Variants in CELF6 observed in about 807,000 individuals in gnomAD.
The protein encoded by CELF6 is Bruno -like 6, RNA binding protein.
Under a neutral mutation model 53.1 loss-of-function variants are expected in CELF6, and 32 were observed. The ratio of observed to expected loss-of-function variants is 0.60; its 90% confidence interval spans 0.46 to 0.81. The LOEUF is 0.81. CELF6 is among the 30% of genes least tolerant of loss of function. The pLI is 0.00. For synonymous variants in CELF6, 291 were observed against 288.8 expected (o/e 1.01, Z -0.08); for missense variants, 539 against 669.5 (o/e 0.81, Z 2.15).
chr15:72,318,669 A>C (rs2088391485), intron 1 of CELF6, among the ~76,000 whole-genome samples: 1 of 152,128 alleles, frequency 6.6e-6, no homozygotes, highest in African/African-American at 2.4e-5. Context: ...GTATCTCTCT[A>C]GAAAGGGCAG....
chr15:72,317,131 A>C (rs2088373469), intron 1 of CELF6, among the ~76,000 whole-genome samples: 1 of 152,220 alleles, frequency 6.6e-6, no homozygotes. Context: ...ATATGCAGGA[A>C]TCAAGTCATA....
intron 3 of CELF6, among the ~76,000 whole-genome samples, chr15:72,303,788 G>A (rs2088188266): frequency 6.6e-6 from 1 of 152,094 alleles, no homozygotes; most frequent in African/African-American, 2.4e-5. Context: ...TTACAGCTTG[G>A]AAGCTGGCCA....
In CELF6 at chr15:72,289,618, G is replaced by A. The variant is rs750315664; in HGVS notation, c.747+9C>T. 1 of 1,500,646 alleles carries A rather than the reference G, an allele frequency of 6.7e-7. No individual in the cohort carries two copies. Among genetic ancestry groups the A allele is most frequent in the Non-Finnish European group, 8.8e-7 (1 of 1,133,250 alleles). The allele number at this position is 1,500,646 out of a possible 1,614,324, so 93.0% of individuals were successfully genotyped here. A position where few individuals can be genotyped will look rare whatever the true frequency, so the allele number is the denominator to read the frequency against. On this transcript the variant is annotated intron_variant, in intron 6 of 12. Coordinates refer to ENST00000287202, the MANE Select transcript of CELF6 (RefSeq NM_052840.5). This position sits in a 1 kb window ranked among gnomAD's most constrained non-coding sequence, Gnocchi z 7.6. ...TGCGCGCCCTCGCACGCAGGTGCCC[G>A]GTACCTACCGCCGTGGTGTAGGCGC...
At chr15:72,310,550 T>TTC (rs973751237) in intron 2 of CELF6, among the ~76,000 whole-genome samples, 16 of 150,804 alleles carry the variant, frequency 1.1e-4, no homozygotes, top group Non-Finnish European at 1.9e-4. Context: ...AGTAATCTTT[T>TTC]TTTTTTTTTT....
chr15:72,290,386 T>C, intron 3 of CELF6, 131 bp from the exon 4 acceptor site: 2 of 1,128,528 alleles, frequency 1.8e-6, no homozygotes, highest in Non-Finnish European at 2.5e-6. Flanking sequence ...GGCCCTGGGC[T>C]TCCAGGGTTG....
chr15:72,304,946 C>T lies in CELF6; in HGVS notation c.346-152G>A. 4.5e-6 allele frequency: 3 copies of T among 673,598 alleles called. No homozygotes were observed. The South Asian group carries it at 5.7e-5, about 13-fold the overall frequency. 41.7% of individuals were successfully genotyped at this position (673,598 alleles called of 1,614,324 possible). Reference sequence around the variant, plus strand: ...CCAAACTGGGATTACAGATTTTCTCCAAGATTCCTTCCTTAAACCCAGGAA... The same window carrying T: ...CCAAACTGGGATTACAGATTTTCTCTAAGATTCCTTCCTTAAACCCAGGAA... On this transcript the variant is annotated intron_variant, in intron 2 of 12. Transcript: ENST00000287202.
intron 3 of CELF6, among the ~76,000 whole-genome samples, chr15:72,297,204 C>T (rs2088092124): frequency 6.6e-6 from 1 of 152,164 alleles, no homozygotes; most frequent in South Asian, 2.1e-4. Flanking sequence ...ACTACAGTCT[C>T]CATGCTATGC....
At chr15:72,306,554 TA>T (rs397966975) in intron 2 of CELF6, among the ~76,000 whole-genome samples, 319 of 79,052 alleles carry the variant, frequency 4.0e-3, no homozygotes, top group South Asian at 9.3e-3. Flanking sequence ...GAGGGCTTAC[TA>T]AAAAAAAAAA....
At chr15:72,291,612 C>T (rs1230591787) in intron 3 of CELF6, among the ~76,000 whole-genome samples, 1 of 152,196 alleles carries the variant, frequency 6.6e-6, no homozygotes, top group Non-Finnish European at 1.5e-5. Context: ...GAAGAACAGA[C>T]TGTTCAAAAC....
chr15:72,300,479 A>G (rs1307492611), intron 3 of CELF6, among the ~76,000 whole-genome samples: 2 of 152,218 alleles, frequency 1.3e-5, no homozygotes, highest in African/African-American at 2.4e-5. Context: ...GATTAAAAGT[A>G]AGACTACTAG....
In CELF6 at chr15:72,319,711, C is replaced by T. The variant is rs758436483; in HGVS notation, c.164G>A (p.Arg55Gln). The change falls in exon 1 of 13, where the codon CGG (arginine) becomes CAG (glutamine). Residue 55 changes from arginine to glutamine, a missense_variant. Arg to Gln is a conservative substitution (Grantham distance 43). Coordinates refer to ENST00000287202, the MANE Select transcript of CELF6 (RefSeq NM_052840.5). This position sits in a 1 kb window ranked among gnomAD's most constrained non-coding sequence, Gnocchi z 5.0. Reference protein sequence around the residue: ...AIKLFVGQIPRGLDEQDLKPL... With the variant: ...AIKLFVGQIPQGLDEQDLKPL... ...CTTGAGGTCCTGCTCGTCCAAGCCC[C>T]GCGGGATCTGCCCCACGAAGAGCTT... 3.1e-6 allele frequency: 5 copies of T among 1,597,842 alleles called. No individual in the cohort carries two copies. The South Asian group carries it at 3.4e-5, about 11-fold the overall frequency.
intron 3 of CELF6, 125 bp from the exon 4 acceptor site, chr15:72,290,380 C>G: frequency 8.4e-7 from 1 of 1,188,980 alleles, no homozygotes; most frequent in East Asian, 2.6e-5. Context: ...TGAGAAGGCC[C>G]TGGGCTTCCA....
At chr15:72,307,457 T>C (rs2088245995) in intron 2 of CELF6, among the ~76,000 whole-genome samples, 1 of 152,182 alleles carries the variant, frequency 6.6e-6, no homozygotes, top group Non-Finnish European at 1.5e-5. Flanking sequence ...AAGATAATGT[T>C]ACCATTTCCT....
chr15:72,290,095 C>A, intron 4 of CELF6, 32 bp downstream of exon 4: 1 of 1,613,028 alleles, frequency 6.2e-7, no homozygotes, highest in Non-Finnish European at 8.5e-7. Flanking sequence ...GAGGAAGGGT[C>A]ACCAGGAAAT....
intron 1 of CELF6, among the ~76,000 whole-genome samples, chr15:72,318,516 AATC>A (rs1243141521): frequency 1.3e-5 from 2 of 152,096 alleles, no homozygotes; most frequent in African/African-American, 4.8e-5. Flanking sequence ...TTCCTTCTCA[AATC>A]ATCTCCCCTT....
At chr15:72,306,687 C>T (rs1385242191) in intron 2 of CELF6, among the ~76,000 whole-genome samples, 4 of 151,454 alleles carry the variant, frequency 2.6e-5, no homozygotes, top group African/African-American at 4.9e-5. Flanking sequence ...TGGGTGGGGG[C>T]GGAGACACCA....
chr15:72,290,399 T>G (rs1356735738), intron 3 of CELF6, 144 bp from the exon 4 acceptor site: 1 of 980,272 alleles, frequency 1.0e-6, no homozygotes, highest in Non-Finnish European at 1.5e-6. Flanking sequence ...CAGGGTTGGT[T>G]TTCATTGAGG....
At chr15:72,294,213 A>G (rs1005709545) in intron 3 of CELF6, among the ~76,000 whole-genome samples, 4 of 152,166 alleles carry the variant, frequency 2.6e-5, no homozygotes, top group African/African-American at 4.8e-5. Context: ...TGTTGCTCCA[A>G]AGAAATTCCT....
chr15:72,309,376 C>G (rs1267811019), intron 2 of CELF6, among the ~76,000 whole-genome samples: 1 of 152,142 alleles, frequency 6.6e-6, no homozygotes, highest in Non-Finnish European at 1.5e-5. Context: ...AAGAAATGAA[C>G]AGATTTAACA....
Sources: allele counts gnomAD v4.1 joint callset (sites outside exome capture counted in the v4.1 genomes callset), GRCh38; gene constraint gnomAD v4.1.1; non-coding constraint Gnocchi (gnomAD v3.1); transcripts MANE v1.5; gene names NCBI Gene and HGNC (gene_info 2026-07-23, HGNC 2026-07-21).